Variants in CALCR observed in about 807,000 individuals in gnomAD.
CALCR encodes the protein calcitonin receptor.
In CALCR, 47 loss-of-function variants were observed where a neutral mutation model predicts 59.5. That is an observed-to-expected ratio of 0.79 (90% CI 0.63 to 1.01). CALCR has a LOEUF of 1.01. Ranked by LOEUF, CALCR falls within the 50% of genes least tolerant of loss-of-function variation. The pLI, the probability that CALCR is intolerant of heterozygous loss-of-function variation, is 0.00. For synonymous variants in CALCR, 213 were observed against 211.3 expected (o/e 1.01, Z -0.07); for missense variants, 566 against 597.1 (o/e 0.95, Z 0.54).
At chr7:93,571,361 G>A (rs1464992396) in intron 2 of CALCR, among the ~76,000 whole-genome samples, 1 of 151,824 alleles carries the variant, frequency 6.6e-6, no homozygotes, top group African/African-American at 2.4e-5. Flanking sequence ...GCAATGCTTG[G>A]CATATAACAA....
intron 11 of CALCR, among the ~76,000 whole-genome samples, chr7:93,437,352 AT>A (rs1167297729): frequency 6.6e-6 from 1 of 152,098 alleles, no homozygotes; most frequent in Non-Finnish European, 1.5e-5. Flanking sequence ...TATTTTTGTT[AT>A]TTTTAACAGA....
intron 8 of CALCR, among the ~76,000 whole-genome samples, chr7:93,458,950 A>T (rs1281815661): frequency 6.6e-6 from 1 of 152,222 alleles, no homozygotes; most frequent in Non-Finnish European, 1.5e-5. Context: ...ATTAAAGTGC[A>T]GTCCATTAAC....
At chr7:93,534,747 AT>A (rs1368222766) in intron 2 of CALCR, among the ~76,000 whole-genome samples, 2 of 151,832 alleles carry the variant, frequency 1.3e-5, no homozygotes, top group East Asian at 3.9e-4. Context: ...TTCCAGTCAA[AT>A]CATTGCAGCA....
At chr7:93,571,708 T>C (rs1790009238) in intron 2 of CALCR, among the ~76,000 whole-genome samples, 1 of 152,202 alleles carries the variant, frequency 6.6e-6, no homozygotes, top group Non-Finnish European at 1.5e-5. Context: ...TGGGTTCAAA[T>C]ATATTTTTAA....
At chr7:93,571,930 A>T (rs1170928854) in intron 2 of CALCR, among the ~76,000 whole-genome samples, 2 of 152,188 alleles carry the variant, frequency 1.3e-5, no homozygotes, top group African/African-American at 4.8e-5. Flanking sequence ...CTCCTCTTTC[A>T]AAAGGGTACG....
At chr7:93,433,662 G>A (rs1799705871) in intron 13 of CALCR, among the ~76,000 whole-genome samples, 1 of 152,150 alleles carries the variant, frequency 6.6e-6, no homozygotes, top group African/African-American at 2.4e-5. Flanking sequence ...TATAGATTTG[G>A]CTCCCAGGCA....
chr7:93,557,040 G>T (rs530200465), intron 2 of CALCR, among the ~76,000 whole-genome samples: 2 of 151,912 alleles, frequency 1.3e-5, no homozygotes, highest in African/African-American at 4.8e-5. Flanking sequence ...TGGCCATTTG[G>T]TTCATCTCCC....
chr7:93,561,982 C>G (rs1476547277), intron 2 of CALCR, among the ~76,000 whole-genome samples: 3 of 151,992 alleles, frequency 2.0e-5, no homozygotes, highest in African/African-American at 7.3e-5. Context: ...TAAGCCTCAT[C>G]ATTTCCTGGA....
intron 2 of CALCR, among the ~76,000 whole-genome samples, chr7:93,566,723 G>A (rs1789871503): frequency 6.6e-6 from 1 of 152,050 alleles, no homozygotes; most frequent in Non-Finnish European, 1.5e-5. Context: ...GATTGTCTCA[G>A]GAAGTCACTG....
intron 9 of CALCR, among the ~76,000 whole-genome samples, chr7:93,439,125 C>T (rs556269547): frequency 3.0e-4 from 45 of 152,160 alleles, no homozygotes; most frequent in African/African-American, 1.0e-3. Context: ...TTGTTATTGT[C>T]ATCAGATTAA....
At chr7:93,513,648 A>G (rs552044198) in intron 2 of CALCR, among the ~76,000 whole-genome samples, 47 of 152,192 alleles carry the variant, frequency 3.1e-4, no homozygotes, top group Non-Finnish European at 5.6e-4. Flanking sequence ...ACCTTCGAAA[A>G]GTTAATTTTT....
Position 93,460,831 on chromosome 7 carries a change from C to T in CALCR, c.638G>A (p.Arg213Gln), listed in dbSNP as rs745665580. ...CTATGCAGTACTTACCGGGTCCCTT[C>T]GCACGAGCTCTCCATTGGGTACTAC... is the stretch of plus-strand genomic sequence containing the variant. ...VEVVPNGELV[R>Q]RDPVSCKILH... The change falls in exon 8 of 14, where the codon CGA (arginine) becomes CAA (glutamine). Residue 213 changes from arginine to glutamine, a missense_variant. Transcript: ENST00000426151. The T allele has an allele frequency of 4.4e-5, 71 of 1,606,724 alleles. No homozygotes were observed. The East Asian group carries it at 1.1e-3, about 25-fold the overall frequency.
rs1223800542 is a variant in CALCR at position 93,438,089 on chromosome 7, T to C, written c.901A>G (p.Ile301Val). Residue 301 changes from isoleucine to valine, a missense_variant, in exon 11 of 14, where the codon ATC becomes GTC. Coordinates refer to ENST00000426151, the MANE Select transcript of CALCR (RefSeq NM_001742.4). ...AGTGCCGCCATGACAGGTCCATGGA[T>C]TATGTAAAGCAAATGGGTTTCCACA... Reference protein sequence around the residue: ...LSVETHLLYIIHGPVMAALVV... With the variant: ...LSVETHLLYIVHGPVMAALVV... The C allele has an allele frequency of 2.5e-6, 4 of 1,613,882 alleles. No homozygotes were observed. The highest frequency in any genetic ancestry group is 3.4e-6 in the Non-Finnish European group (4 of 1,179,872).
chr7:93,491,221 T>C (rs1024561950), intron 2 of CALCR, among the ~76,000 whole-genome samples: 1 of 152,076 alleles, frequency 6.6e-6, no homozygotes, highest in East Asian at 1.9e-4. Flanking sequence ...AAACTAAAAA[T>C]GGACCTCTTC....
intron 2 of CALCR, among the ~76,000 whole-genome samples, chr7:93,534,272 G>A (rs577289849): frequency 6.6e-6 from 1 of 151,842 alleles, no homozygotes; most frequent in African/African-American, 2.4e-5. Flanking sequence ...ATTATCTCCA[G>A]TTTAAAAAGT....
chr7:93,432,186 C>T (rs1346143127), intron 13 of CALCR, among the ~76,000 whole-genome samples: 1 of 152,148 alleles, frequency 6.6e-6, no homozygotes, highest in Non-Finnish European at 1.5e-5. Context: ...ATAATAATTT[C>T]ACTGATAACA....
intron 7 of CALCR, among the ~76,000 whole-genome samples, chr7:93,466,846 C>T (rs1476891735): frequency 1.3e-5 from 2 of 151,578 alleles, no homozygotes; most frequent in African/African-American, 2.4e-5. Context: ...TTTAACACAC[C>T]CATCTTCAGT....
intron 8 of CALCR, among the ~76,000 whole-genome samples, chr7:93,453,585 A>G (rs988459683): frequency 2.0e-5 from 3 of 152,064 alleles, no homozygotes; most frequent in African/African-American, 7.2e-5. Context: ...AATATATAAC[A>G]AATTCTGCAC....
chr7:93,435,824 T>A lies in CALCR; in HGVS notation c.1149+128A>T, dbSNP rs62466837. The A allele has an allele frequency of 3.0e-3, 946 of 311,984 alleles. 8 individuals carry two copies. The highest frequency in any genetic ancestry group is 3.2e-3 in the Non-Finnish European group (555 of 173,822). 19.3% of individuals were successfully genotyped at this position (311,984 alleles called of 1,614,324 possible). On this transcript the variant is annotated intron_variant, in intron 12 of 13. Transcript: ENST00000426151. ...CTGTGTCAAAAAAAATAAAATAAAA[T>A]AATAAATAAATAAATAAATAAATAA...
Sources: allele counts gnomAD v4.1 joint callset (sites outside exome capture counted in the v4.1 genomes callset), GRCh38; gene constraint gnomAD v4.1.1; transcripts MANE v1.5; gene names NCBI Gene and HGNC (gene_info 2026-07-23, HGNC 2026-07-21).